Variants in IL1RAPL1 observed in about 807,000 individuals in gnomAD.
IL1RAPL1 encodes interleukin 1 receptor accessory protein like 1.
Under a neutral mutation model 48.4 loss-of-function variants are expected in IL1RAPL1, and 3 were observed. That is an observed-to-expected ratio of 0.06 (90% CI 0.03 to 0.16). The LOEUF is 0.16. Ranked by LOEUF, IL1RAPL1 falls within the 10% of genes least tolerant of loss-of-function variation. The pLI is 1.00. For synonymous variants in IL1RAPL1, 185 were observed against 187.7 expected, an observed-to-expected ratio of 0.99 and a Z score of 0.12; for missense variants, 349 against 530.6, an observed-to-expected ratio of 0.66 and a Z score of 3.36.
At chrX:29,413,276 C>G (rs1023424344) in intron 5 of IL1RAPL1, among the ~76,000 whole-genome samples, 11 of 112,130 alleles carry the variant, frequency 9.8e-5, no homozygotes, top group East Asian at 2.8e-4. Context: ...ATTACCCAGT[C>G]TCAGGTATTT....
intron 6 of IL1RAPL1, among the ~76,000 whole-genome samples, chrX:29,806,695 A>T (rs1233279363): frequency 1.8e-5 from 2 of 111,562 alleles, no homozygotes; most frequent in Non-Finnish European, 3.8e-5. Flanking sequence ...AAGTATCATT[A>T]ACCAGTAGGG....
At chrX:28,877,585 T>C (rs948863075) in intron 2 of IL1RAPL1, among the ~76,000 whole-genome samples, 2 of 112,238 alleles carry the variant, frequency 1.8e-5, no homozygotes, top group Non-Finnish European at 3.8e-5. Context: ...TAACTAACAA[T>C]TGATTTGCCT....
At chrX:28,903,023 A>G (rs990839240) in intron 2 of IL1RAPL1, among the ~76,000 whole-genome samples, 2 of 112,119 alleles carry the variant, frequency 1.8e-5, no homozygotes, top group Non-Finnish European at 3.8e-5. Context: ...TGCCAAAAAG[A>G]TTGAGGGCCA....
intron 2 of IL1RAPL1, among the ~76,000 whole-genome samples, chrX:28,808,924 A>G (rs1274164518): frequency 9.0e-6 from 1 of 110,759 alleles, no homozygotes; most frequent in African/African-American, 3.3e-5. Flanking sequence ...ATTGTAAATT[A>G]TTCTCTCAAT....
At chrX:29,748,351 T>A (rs1460332537) in intron 6 of IL1RAPL1, among the ~76,000 whole-genome samples, 1 of 112,398 alleles carries the variant, frequency 8.9e-6, no homozygotes, top group Non-Finnish European at 1.9e-5. Flanking sequence ...GATGTGAACA[T>A]ATTGAACTCT....
At chrX:29,112,180 C>A (rs2035022669) in intron 2 of IL1RAPL1, among the ~76,000 whole-genome samples, 1 of 110,950 alleles carries the variant, frequency 9.0e-6, no homozygotes, top group Admixed American at 9.6e-5. Flanking sequence ...CCTGCCTCGG[C>A]CTCCCAAAGT....
At chrX:29,495,284 A>G (rs1421568123) in intron 5 of IL1RAPL1, among the ~76,000 whole-genome samples, 2 of 112,143 alleles carry the variant, frequency 1.8e-5, no homozygotes, top group African/African-American at 6.5e-5. Context: ...AACTGACATT[A>G]TATTTACATT....
intron 8 of IL1RAPL1, among the ~76,000 whole-genome samples, chrX:29,926,379 A>T (rs1366974816): frequency 8.9e-6 from 1 of 112,036 alleles, no homozygotes; most frequent in African/African-American, 3.3e-5. Flanking sequence ...TTTAGTCTTT[A>T]ATCATGCCTG....
At chrX:29,809,776 C>CGTTT (rs770202489) in intron 6 of IL1RAPL1, among the ~76,000 whole-genome samples, 14 of 94,804 alleles carry the variant, frequency 1.5e-4, no homozygotes, top group African/African-American at 5.4e-4. Context: ...AAGTCGTTAA[C>CGTTT]TTTTTTTTTT....
intron 3 of IL1RAPL1, among the ~76,000 whole-genome samples, chrX:29,333,177 C>T (rs1297431883): frequency 5.6e-5 from 6 of 107,190 alleles, no homozygotes; most frequent in Admixed American, 9.7e-5. Flanking sequence ...ACCTCCCAGA[C>T]GGGGTCGTGG....
At chrX:29,395,827 C>A (rs1462135131) in intron 3 of IL1RAPL1, among the ~76,000 whole-genome samples, 1 of 112,141 alleles carries the variant, frequency 8.9e-6, no homozygotes, top group Non-Finnish European at 1.9e-5. Context: ...GCAAGACAAC[C>A]AATAGTGTAA....
chrX:29,410,371 G>T (rs1934128311), intron 5 of IL1RAPL1, among the ~76,000 whole-genome samples: 1 of 108,256 alleles, frequency 9.2e-6, no homozygotes, highest in Non-Finnish European at 1.9e-5. Context: ...TGAGGCAGGA[G>T]AATCGCTTGA....
intron 1 of IL1RAPL1, among the ~76,000 whole-genome samples, chrX:28,702,829 A>G (rs771833508): frequency 7.3e-5 from 6 of 82,128 alleles, no homozygotes; most frequent in Non-Finnish European, 1.4e-4. Context: ...CCACTGTTTT[A>G]CTTCCATGTT....
chrX:28,994,878 T>C (rs1319491439), intron 2 of IL1RAPL1, among the ~76,000 whole-genome samples: 1 of 111,901 alleles, frequency 8.9e-6, no homozygotes, highest in Non-Finnish European at 1.9e-5. Context: ...TTTTTCTTTC[T>C]TAAAGCAAAT....
intron 6 of IL1RAPL1, among the ~76,000 whole-genome samples, chrX:29,838,085 G>T (rs2147191982): frequency 9.0e-6 from 1 of 111,640 alleles, no homozygotes; most frequent in African/African-American, 3.3e-5. Context: ...TTCCAGGGAA[G>T]AAGCGTTCCT....
At chrX:29,721,109 C>T (rs375069128) in intron 6 of IL1RAPL1, among the ~76,000 whole-genome samples, 1 of 111,587 alleles carries the variant, frequency 9.0e-6, no homozygotes, top group East Asian at 2.8e-4. Flanking sequence ...GTAGGGGTGG[C>T]TATAGAGATT....
At chrX:29,594,667 T>C (rs1923484199) in intron 5 of IL1RAPL1, among the ~76,000 whole-genome samples, 1 of 111,950 alleles carries the variant, frequency 8.9e-6, no homozygotes, top group East Asian at 2.8e-4. Context: ...TTGATGTCAG[T>C]GTTATTACAA....
intron 1 of IL1RAPL1, among the ~76,000 whole-genome samples, chrX:28,673,751 G>A (rs182516960): frequency 5.8e-4 from 65 of 111,539 alleles, no homozygotes; most frequent in Non-Finnish European, 7.2e-4. Flanking sequence ...TCACACCTAG[G>A]AGTGCCTGCA....
At chrX:29,906,520 T>TATA (rs1932635397) in intron 6 of IL1RAPL1, among the ~76,000 whole-genome samples, 4 of 59,412 alleles carry the variant, frequency 6.7e-5, no homozygotes, top group Non-Finnish European at 8.9e-5. Flanking sequence ...TATATATATA[T>TATA]ATTTCTGTAG....
Sources: allele counts gnomAD v4.1 joint callset (sites outside exome capture counted in the v4.1 genomes callset), GRCh38; gene constraint gnomAD v4.1.1; transcripts MANE v1.5; gene names NCBI Gene and HGNC (gene_info 2026-07-23, HGNC 2026-07-21).